SLC24A2: variants seen among roughly 807,000 people sequenced by gnomAD.
SLC24A2 encodes sodium/potassium/calcium exchanger 2.
A neutral mutation model predicts 62.0 loss-of-function variants in SLC24A2; 36 were observed. The ratio of observed to expected loss-of-function variants is 0.58; its 90% CI spans 0.44 to 0.77. SLC24A2 has a LOEUF of 0.77. Ranked by LOEUF, SLC24A2 falls within the 30% of genes least tolerant of loss-of-function variation. The probability of loss-of-function intolerance (pLI) is 0.00; values close to 1 mark genes in which losing one functional copy is unlikely to be tolerated. For synonymous variants in SLC24A2, 358 were observed against 294.0 expected (o/e 1.22, Z -2.23); for missense variants, 846 against 817.9 (o/e 1.03, Z -0.42).
the SLC24A2 span, among the ~76,000 whole-genome samples, chr9:19,831,318 GTTT>G: frequency 6.6e-6 from 1 of 152,114 alleles, no homozygotes; most frequent in African/African-American, 2.4e-5. Flanking sequence ...ACCTTCTTGT[GTTT>G]TTCTTCTCCT....
chr9:20,057,191 C>T, the SLC24A2 span, among the ~76,000 whole-genome samples: 3 of 152,208 alleles, frequency 2.0e-5, no homozygotes, highest in African/African-American at 4.8e-5. Context: ...TCTCTCTGAA[C>T]TACTCATGCT....
At chr9:19,812,727 T>G in the SLC24A2 span, among the ~76,000 whole-genome samples, 9 of 152,136 alleles carry the variant, frequency 5.9e-5, no homozygotes, top group East Asian at 3.9e-4. Context: ...TGTCAAATAT[T>G]GTTTATTACT....
At chr9:19,892,197 C>T in the SLC24A2 span, among the ~76,000 whole-genome samples, 1 of 152,150 alleles carries the variant, frequency 6.6e-6, no homozygotes, top group Non-Finnish European at 1.5e-5. Context: ...GCCTCTTTCT[C>T]ATAGTTCACA....
At chr9:20,019,443 T>C in the SLC24A2 span, among the ~76,000 whole-genome samples, 1 of 152,202 alleles carries the variant, frequency 6.6e-6, no homozygotes, top group South Asian at 2.1e-4. Flanking sequence ...GGGAATCCTT[T>C]CCCCATTGCT....
the SLC24A2 span, among the ~76,000 whole-genome samples, chr9:19,813,774 G>A: frequency 6.6e-6 from 1 of 152,098 alleles, no homozygotes; most frequent in Non-Finnish European, 1.5e-5. Flanking sequence ...CCCCCTGAAT[G>A]GGATTAGTGC....
At chr9:19,542,015 C>A (rs1473082956) in intron 8 of SLC24A2, among the ~76,000 whole-genome samples, 1 of 152,222 alleles carries the variant, frequency 6.6e-6, no homozygotes, top group Non-Finnish European at 1.5e-5. Context: ...AAGGGAACTC[C>A]CTGACCCTTG....
At chr9:19,997,768 G>A in the SLC24A2 span, among the ~76,000 whole-genome samples, 5 of 152,138 alleles carry the variant, frequency 3.3e-5, no homozygotes, top group Non-Finnish European at 4.4e-5. Flanking sequence ...GACATGGTTG[G>A]ACTCAGGCAA....
the SLC24A2 span, among the ~76,000 whole-genome samples, chr9:19,853,806 G>A: frequency 2.0e-5 from 3 of 152,200 alleles, no homozygotes; most frequent in Non-Finnish European, 4.4e-5. Flanking sequence ...GTATCAGGAT[G>A]ATGCTGGTCT....
the SLC24A2 span, among the ~76,000 whole-genome samples, chr9:19,810,951 A>C: frequency 6.6e-6 from 1 of 151,452 alleles, no homozygotes; most frequent in Non-Finnish European, 1.5e-5. Context: ...ATGTTTGAAA[A>C]TAAAATTCTT....
chr9:20,170,499 G>A, the SLC24A2 span, among the ~76,000 whole-genome samples: 4 of 152,030 alleles, frequency 2.6e-5, no homozygotes, highest in Non-Finnish European at 4.4e-5. Flanking sequence ...GAAGGCAAGG[G>A]GGACATGGGG....
intron 2 of SLC24A2, among the ~76,000 whole-genome samples, chr9:19,623,632 A>C (rs1458161640): frequency 6.6e-6 from 1 of 152,224 alleles, no homozygotes; most frequent in Non-Finnish European, 1.5e-5. Flanking sequence ...TCAAATCTAC[A>C]ATTTGTTTTC....
At chr9:20,240,689 T>C in the SLC24A2 span, among the ~76,000 whole-genome samples, 4 of 152,074 alleles carry the variant, frequency 2.6e-5, no homozygotes, top group East Asian at 7.8e-4. Flanking sequence ...GACTATGAGG[T>C]TGGTCATTTC....
the SLC24A2 span, among the ~76,000 whole-genome samples, chr9:19,896,160 C>T: frequency 2.0e-5 from 3 of 152,144 alleles, no homozygotes; most frequent in Non-Finnish European, 4.4e-5. Flanking sequence ...TAACGTTTTG[C>T]TCGGAAGGCA....
chr9:20,011,135 T>C, the SLC24A2 span, among the ~76,000 whole-genome samples: 225 of 152,304 alleles, frequency 1.5e-3, 1 homozygote, highest in African/African-American at 5.1e-3. Context: ...AGTAATGGGA[T>C]GGCTGGGTGA....
At chr9:19,904,902 C>G in the SLC24A2 span, among the ~76,000 whole-genome samples, 1 of 151,982 alleles carries the variant, frequency 6.6e-6, no homozygotes, top group Non-Finnish European at 1.5e-5. Context: ...TGGCAGGACT[C>G]TATTTACTTA....
At chr9:20,229,527 T>G in the SLC24A2 span, among the ~76,000 whole-genome samples, 1 of 151,820 alleles carries the variant, frequency 6.6e-6, no homozygotes, top group Non-Finnish European at 1.5e-5. Flanking sequence ...TACAACAGAG[T>G]GACAATGTGC....
chr9:19,583,316 C>T (rs113064893), intron 5 of SLC24A2, among the ~76,000 whole-genome samples: 128 of 152,322 alleles, frequency 8.4e-4, no homozygotes, highest in African/African-American at 2.9e-3. Context: ...CAAATGTCAC[C>T]TCATTGAGGC....
intron 4 of SLC24A2, among the ~76,000 whole-genome samples, chr9:19,615,461 G>A (rs1817743268): frequency 6.6e-6 from 1 of 152,200 alleles, no homozygotes; most frequent in South Asian, 2.1e-4. Flanking sequence ...TAAGAGAGAT[G>A]ACTATTTCTG....
At chr9:19,728,593 G>A (rs113148238) in intron 2 of SLC24A2, among the ~76,000 whole-genome samples, 8 of 152,186 alleles carry the variant, frequency 5.3e-5, no homozygotes, top group African/African-American at 1.9e-4. Context: ...AACTCTGGTG[G>A]GGAGAGAAGC....
Sources: gnomAD v4.1 joint callset for allele counts (sites outside exome capture counted in the v4.1 genomes callset) on GRCh38, gnomAD v4.1.1 for gene constraint, MANE v1.5 for transcripts, NCBI Gene and HGNC (gene_info 2026-07-23, HGNC 2026-07-21) for gene names.